The following USP34 variants were observed in gnomAD, a reference collection of about 807,000 sequenced individuals.
USP34 encodes ubiquitin specific peptidase 34.
In USP34, 70 loss-of-function variants were observed where a neutral mutation model predicts 460.3. The ratio of observed to expected loss-of-function variants is 0.15; its 90% confidence interval spans 0.13 to 0.19. USP34 has a LOEUF of 0.19. Among genes scored for constraint, USP34 ranks in the 10% least tolerant of loss-of-function variants. The probability of loss-of-function intolerance (pLI) is 1.00; values close to 1 mark genes in which losing one functional copy is unlikely to be tolerated. For missense variants in USP34, 3,985 were observed against 4,236.2 expected (o/e 0.94, Z 1.65); for synonymous variants, 1,647 against 1,405.3 (o/e 1.17, Z -3.85).
At chr2:61,191,811 T>C (rs770946003) in intron 76 of USP34, among the ~76,000 whole-genome samples, 10 of 151,982 alleles carry the variant, frequency 6.6e-5, no homozygotes, top group Admixed American at 2.0e-4. Flanking sequence ...GCAGTAGCAG[T>C]GGAGAGGGAA....
chr2:61,410,658 C>T (rs895683575), intron 2 of USP34, among the ~76,000 whole-genome samples: 5 of 152,276 alleles, frequency 3.3e-5, no homozygotes, highest in Non-Finnish European at 5.9e-5. Context: ...TGATTTTACA[C>T]ATAAACTTTA....
chr2:61,239,722 A>G (rs1688189600), intron 53 of USP34, among the ~76,000 whole-genome samples: 1 of 152,202 alleles, frequency 6.6e-6, no homozygotes, highest in Non-Finnish European at 1.5e-5. Flanking sequence ...CAGGCAAGAT[A>G]CTAGTTAAAA....
rs572411538 is a variant in USP34, at chr2:61,253,010, G to A, written c.6221+3374C>T. 5.9e-5 allele frequency among the ~76,000 whole-genome samples: 9 copies of A among 152,260 alleles called. No individual in the cohort carries two copies. In the East Asian group the frequency reaches 1.5e-3, roughly 26 times the overall value. On this transcript the variant is annotated intron_variant, in intron 48 of 79. Transcript: ENST00000398571. ...TCAGTAGCATATTAGTAAAAAATTG[G>A]TATTATGGTGATTGATAAGTTACTG...
At chr2:61,320,435 A>C (rs965482907) in intron 21 of USP34, among the ~76,000 whole-genome samples, 1 of 152,022 alleles carries the variant, frequency 6.6e-6, no homozygotes, top group African/African-American at 2.4e-5. Flanking sequence ...CCCAGAGAAA[A>C]CCCATGCAGA....
chr2:61,363,446 T>C (rs1043225631), intron 10 of USP34, among the ~76,000 whole-genome samples: 2 of 152,192 alleles, frequency 1.3e-5, no homozygotes, highest in Non-Finnish European at 2.9e-5. Context: ...CAAAAGATGG[T>C]AGAGTCTACT....
intron 1 of USP34, among the ~76,000 whole-genome samples, chr2:61,439,024 C>T (rs575234923): frequency 6.6e-6 from 1 of 152,024 alleles, no homozygotes; most frequent in East Asian, 1.9e-4. Flanking sequence ...CATATACAAA[C>T]AATACACTAC....
At chr2:61,245,086 GAATA>G in intron 51 of USP34, 120 bp downstream of exon 51, 1 of 623,000 alleles carries the variant, frequency 1.6e-6, no homozygotes, top group Non-Finnish European at 2.7e-6. Context: ...AATATAAACT[GAATA>G]AATTTTTGAT....
chr2:61,193,016 TA>T, intron 75 of USP34, 36 bp from the exon 76 acceptor site: 9 of 1,524,444 alleles, frequency 5.9e-6, no homozygotes, highest in Non-Finnish European at 8.1e-6. Flanking sequence ...AGGTTATAAT[TA>T]TAAATTATAC....
chr2:61,201,864 G>A (rs1322679694), intron 75 of USP34, among the ~76,000 whole-genome samples: 2 of 152,066 alleles, frequency 1.3e-5, no homozygotes, highest in Middle Eastern at 3.2e-3. Context: ...TTCTTTATAT[G>A]GGAGCAAGGC....
rs751460317 is a variant in USP34 at position 61,227,014 on chromosome 2, A to G, written c.7595+53T>C. On this transcript the variant is annotated intron_variant, in intron 62 of 79. Transcript: ENST00000398571. Reference sequence around the variant, plus strand: ...AAAAACTAGTGGTAAACAATTATGTAAAAATAATAAAACCAAACATGCTTT... The same window carrying G: ...AAAAACTAGTGGTAAACAATTATGTGAAAATAATAAAACCAAACATGCTTT... The G allele has an allele frequency of 2.6e-6, 4 of 1,537,810 alleles. No individual in the cohort carries two copies. In the South Asian group the frequency reaches 5.1e-5, roughly 20 times the overall value.
At chr2:61,220,076 T>A in intron 67 of USP34, 1 of 376,168 alleles carries the variant, frequency 2.7e-6, no homozygotes, top group East Asian at 4.5e-5. Flanking sequence ...TCATGCCTTA[T>A]CACTCTTATC....
intron 23 of USP34, among the ~76,000 whole-genome samples, chr2:61,315,683 A>G (rs1047323353): frequency 6.6e-6 from 1 of 152,104 alleles, no homozygotes; most frequent in African/African-American, 2.4e-5. Flanking sequence ...CCTCATTCAA[A>G]TTTATGATGT....
chr2:61,333,848 T>C, intron 19 of USP34, 34 bp downstream of exon 19: 1 of 1,398,862 alleles, frequency 7.1e-7, no homozygotes, highest in Non-Finnish European at 9.6e-7. Context: ...AAAAAAATCT[T>C]TAAAATAAAT....
Position 61,228,626 on chromosome 2 carries a change from AC to A in USP34, c.7443+18del. 1 of 1,603,096 alleles carries A rather than the reference AC, an allele frequency of 6.2e-7. No individual in the cohort carries two copies. The highest frequency in any genetic ancestry group is 1.3e-5 in the African/African-American group (1 of 74,642). On this transcript the variant is annotated intron_variant, in intron 61 of 79. Coordinates refer to ENST00000398571, the MANE Select transcript of USP34 (RefSeq NM_014709.4). ...AACCAGAGCCTCTAATACCTAATGT[AC>A]GATAGAACTGTACTTACATTTTCAG...
At chr2:61,436,054 T>C (rs993958965) in intron 1 of USP34, among the ~76,000 whole-genome samples, 1 of 151,774 alleles carries the variant, frequency 6.6e-6, no homozygotes, top group Non-Finnish European at 1.5e-5. Context: ...AAATAGAAGT[T>C]ATAGACTGAA....
At chr2:61,327,190 T>G (rs1303432724) in intron 20 of USP34, among the ~76,000 whole-genome samples, 1 of 152,220 alleles carries the variant, frequency 6.6e-6, no homozygotes, top group Admixed American at 6.5e-5. Flanking sequence ...TACTGAAGTT[T>G]TAAAGCTTAA....
At chr2:61,429,558 T>A (rs1694607161) in intron 1 of USP34, among the ~76,000 whole-genome samples, 1 of 151,786 alleles carries the variant, frequency 6.6e-6, no homozygotes, top group South Asian at 2.1e-4. Flanking sequence ...GCACAGGCAG[T>A]CGAGGTTGCA....
rs555759763 is a variant in USP34 at position 61,468,694 on chromosome 2, T to C, written c.43+1956A>G. On this transcript the variant is annotated intron_variant, in intron 1 of 79. Transcript: ENST00000398571. ...GAGAAGCTGGTTGAACTAACTGTAT[T>C]TGCTTAAAGGTAATAAAAGCTAAAT... Among the ~76,000 whole-genome samples the C allele has an allele frequency of 4.7e-4, 71 of 152,318 alleles. 1 individual carries two copies. In the South Asian group the frequency reaches 0.014, roughly 31 times the overall value.
intron 23 of USP34, among the ~76,000 whole-genome samples, chr2:61,315,946 T>C (rs2600661): frequency 0.38 from 57,275 of 151,340 alleles, 10,805 homozygotes; most frequent in Non-Finnish European, 0.39. Context: ...ACGCCTCTAA[T>C]TGCAGCACTT....
Sources: allele counts gnomAD v4.1 joint callset (sites outside exome capture counted in the v4.1 genomes callset), GRCh38; gene constraint gnomAD v4.1.1; transcripts MANE v1.5; gene names NCBI Gene and HGNC (gene_info 2026-07-23, HGNC 2026-07-21).